Variants in ACVR1C observed in about 807,000 individuals in gnomAD.
ACVR1C encodes activin receptor type-1C.
Under a neutral mutation model 57.9 loss-of-function variants are expected in ACVR1C, and 23 were observed. The ratio of observed to expected loss-of-function variants is 0.40; its 90% confidence interval spans 0.29 to 0.56. The LOEUF (loss-of-function observed/expected upper bound fraction) is 0.56. Among genes scored for constraint, ACVR1C ranks in the 20% least tolerant of loss-of-function variants. ACVR1C has a pLI of 0.50. For synonymous variants in ACVR1C, 214 were observed against 215.3 expected (o/e 0.99, Z 0.05); for missense variants, 480 against 607.9 (o/e 0.79, Z 2.21).
intron 3 of ACVR1C, among the ~76,000 whole-genome samples, chr2:157,552,036 G>T (rs1687936306): frequency 6.6e-6 from 1 of 152,228 alleles, no homozygotes; most frequent in Admixed American, 6.5e-5. Context: ...TGCTGCTAGT[G>T]AGAGGCAGAC....
chr2:157,587,530 T>C (rs1688955711), intron 1 of ACVR1C, 113 bp from the exon 2 acceptor site: 1 of 769,896 alleles, frequency 1.3e-6, no homozygotes, highest in Non-Finnish European at 2.1e-6. Flanking sequence ...AGGGTTTAAA[T>C]AAAAACACTT....
At chr2:157,540,349 C>G (rs1021166644) in intron 7 of ACVR1C, among the ~76,000 whole-genome samples, 6 of 152,168 alleles carry the variant, frequency 3.9e-5, no homozygotes, top group African/African-American at 1.4e-4. Context: ...AATTCTTCCT[C>G]TCATTATTAA....
rs137915092 is a variant in ACVR1C at position 157,563,005 on chromosome 2, C to G, written c.305-6673G>C. On this transcript the variant is annotated intron_variant, in intron 2 of 8. Coordinates refer to ENST00000243349, the MANE Select transcript of ACVR1C (RefSeq NM_145259.3). Reference sequence around the variant, plus strand: ...ATAGCTATTTATGACAACCCCACAGCCAATATCATACTGAATGGGCAAAAG... The same window carrying G: ...ATAGCTATTTATGACAACCCCACAGGCAATATCATACTGAATGGGCAAAAG... 2.4e-3 allele frequency among the ~76,000 whole-genome samples: 362 copies of G among 152,232 alleles called. 3 individuals carry two copies. The highest frequency in any genetic ancestry group is 3.2e-3 in the Non-Finnish European group (220 of 68,018).
chr2:157,533,608 C>G lies in ACVR1C; in HGVS notation c.*310G>C, dbSNP rs1288925180. 1.2e-5 allele frequency: 2 copies of G among 165,094 alleles called. No individual in the cohort carries two copies. The highest frequency in any genetic ancestry group is 4.8e-5 in the African/African-American group (2 of 41,862). The allele number at this position is 165,094 out of a possible 1,614,324, so 10.2% of individuals were successfully genotyped here. A position where few individuals can be genotyped will look rare whatever the true frequency, so the allele number is the denominator to read the frequency against. ...GCTCTTGGTTCAAGTAAAATAAAAA[C>G]TTAATGACTATAACATTTTTATAGA... On this transcript the variant is annotated 3_prime_UTR_variant, in exon 9 of 9. Transcript: ENST00000243349.
chr2:157,542,034 C>G (rs1211321293), intron 6 of ACVR1C, among the ~76,000 whole-genome samples: 1 of 152,198 alleles, frequency 6.6e-6, no homozygotes, highest in Non-Finnish European at 1.5e-5. Context: ...CCTAATGGGC[C>G]TGACCTGACA....
At chr2:157,590,887 T>G (rs1038032681) in intron 1 of ACVR1C, among the ~76,000 whole-genome samples, 4 of 151,968 alleles carry the variant, frequency 2.6e-5, no homozygotes, top group Non-Finnish European at 4.4e-5. Context: ...AGGCATTACT[T>G]TGTCTCCTGT....
rs985884073 is a variant in ACVR1C, at chr2:157,528,022, T to C, written c.*5896A>G. ...CCAGGATGAAAAGATAAAGTATTATTTCTTCTAAGTTCTTTGTTCAATCTG... is the reference window on the plus strand; with the variant it reads ...CCAGGATGAAAAGATAAAGTATTATCTCTTCTAAGTTCTTTGTTCAATCTG... On this transcript the variant is annotated 3_prime_UTR_variant, in exon 9 of 9. Coordinates refer to ENST00000243349, the MANE Select transcript of ACVR1C (RefSeq NM_145259.3). 1 of 152,184 alleles carries C rather than the reference T, an allele frequency of 6.6e-6. No homozygotes were observed. 9.4% of individuals were successfully genotyped at this position (152,184 alleles called of 1,614,324 possible). A position where few individuals can be genotyped will look rare whatever the true frequency, so the allele number is the denominator to read the frequency against.
At chr2:157,581,816 C>G (rs979128801) in intron 2 of ACVR1C, among the ~76,000 whole-genome samples, 2 of 152,208 alleles carry the variant, frequency 1.3e-5, no homozygotes, top group African/African-American at 4.8e-5. Context: ...TGCAGACTAT[C>G]AAGTACTGTA....
chr2:157,536,672 AT>A (rs1224655248), intron 8 of ACVR1C, among the ~76,000 whole-genome samples: 1 of 152,188 alleles, frequency 6.6e-6, no homozygotes, highest in African/African-American at 2.4e-5. Flanking sequence ...CTTTTAAAGG[AT>A]TCACATCAGG....
rs899525003 is a variant in ACVR1C, at chr2:157,532,453, C to G, written c.*1465G>C. On this transcript the variant is annotated 3_prime_UTR_variant, in exon 9 of 9. Transcript: ENST00000243349. ...CATTATATGCTAACATGTACTATCA[C>G]TTTATAAGCAAGTACCAAAGAACAC... 1 of 150,362 alleles carries G rather than the reference C, an allele frequency of 6.7e-6. No homozygotes were observed. Among genetic ancestry groups the G allele is most frequent in the Non-Finnish European group, 1.5e-5 (1 of 67,700 alleles). 9.3% of individuals were successfully genotyped at this position (150,362 alleles called of 1,614,324 possible).
intron 5 of ACVR1C, among the ~76,000 whole-genome samples, chr2:157,543,607 T>C (rs1318776219): frequency 1.3e-5 from 2 of 152,234 alleles, no homozygotes; most frequent in Non-Finnish European, 2.9e-5. Flanking sequence ...CAAAAACCTT[T>C]GTAGTCCTCA....
At position 157,627,092 on chromosome 2, in the gene ACVR1C, A is replaced by T. The variant is rs548732203; in HGVS notation, c.73+1480T>A. Among the ~76,000 whole-genome samples, 4 of 152,198 alleles carry T rather than the reference A, an allele frequency of 2.6e-5. No homozygotes were observed. In the South Asian group the frequency reaches 8.3e-4, roughly 31 times the overall value. ...TTGAAGCTACATTTTAAAAAAATTGAATCTGTTTTGTAGAAATGTGTGCAG... is the reference window on the plus strand; with the variant it reads ...TTGAAGCTACATTTTAAAAAAATTGTATCTGTTTTGTAGAAATGTGTGCAG... On this transcript the variant is annotated intron_variant, in intron 1 of 8. Coordinates refer to ENST00000243349, the MANE Select transcript of ACVR1C (RefSeq NM_145259.3).
At chr2:157,565,804 T>C (rs1688355571) in intron 2 of ACVR1C, among the ~76,000 whole-genome samples, 1 of 152,186 alleles carries the variant, frequency 6.6e-6, no homozygotes, top group South Asian at 2.1e-4. Flanking sequence ...GGACATGTTC[T>C]CCTTGTGTTG....
Position 157,554,343 on chromosome 2 carries a change from A to G in ACVR1C, c.544+1750T>C, listed in dbSNP as rs867817319. Among the ~76,000 whole-genome samples the G allele has an allele frequency of 2.9e-5, 4 of 138,258 alleles. No individual in the cohort carries two copies. The East Asian group carries it at 6.1e-4, about 21-fold the overall frequency. 90.7% of individuals were successfully genotyped at this position (138,258 alleles called of 152,430 possible). On this transcript the variant is annotated intron_variant, in intron 3 of 8. Coordinates refer to ENST00000243349, the MANE Select transcript of ACVR1C (RefSeq NM_145259.3). ...AAAGAAAAAGAAAGAGAAAGAGAGA[A>G]AGAAAGAAAGAGAAAGAAAGAAAGA...
At chr2:157,589,332 T>C (rs186135466) in intron 1 of ACVR1C, among the ~76,000 whole-genome samples, 2 of 152,180 alleles carry the variant, frequency 1.3e-5, no homozygotes, top group African/African-American at 4.8e-5. Context: ...TTGTATGTCT[T>C]CTTTTGAGAA....
chr2:157,568,363 ATTAACT>A (rs1206517670), intron 2 of ACVR1C, among the ~76,000 whole-genome samples: 1 of 81,206 alleles, frequency 1.2e-5, no homozygotes, highest in Non-Finnish European at 2.6e-5. Context: ...ACATAACAAT[ATTAACT>A]TTAAATATAA....
At chr2:157,586,706 A>G (rs1446117891) in intron 2 of ACVR1C, among the ~76,000 whole-genome samples, 4 of 152,126 alleles carry the variant, frequency 2.6e-5, no homozygotes, top group African/African-American at 9.7e-5. Flanking sequence ...GTGTGCTCTC[A>G]CTTGAATGTG....
In ACVR1C at chr2:157,554,196, G is replaced by GAAGAGAGAAAGAAAGAAAGA. The variant is rs1687996005; in HGVS notation, c.544+1877_544+1896dup. ...AGAATCTGGAAAAAAAAAAAATAAAGAAGAGAGAAAGAAAGAAAGAAAGAA... is the reference window on the plus strand; with the variant it reads ...AGAATCTGGAAAAAAAAAAAATAAAGAAGAGAGAAAGAAAGAAAGAAAGAGAGAAAGAAAGAAAGAAAGAA... On this transcript the variant is annotated intron_variant, in intron 3 of 8. Coordinates refer to ENST00000243349, the MANE Select transcript of ACVR1C (RefSeq NM_145259.3). Among the ~76,000 whole-genome samples, 12 of 19,632 alleles carry GAAGAGAGAAAGAAAGAAAGA rather than the reference G, an allele frequency of 6.1e-4. 2 individuals carry two copies. The South Asian group carries it at 0.022, about 37-fold the overall frequency. The allele number at this position is 19,632 out of a possible 152,430, so 12.9% of individuals were successfully genotyped here.
At chr2:157,586,141 A>G (rs945152067) in intron 2 of ACVR1C, among the ~76,000 whole-genome samples, 1 of 152,100 alleles carries the variant, frequency 6.6e-6, no homozygotes, top group Non-Finnish European at 1.5e-5. Flanking sequence ...AAAAAGAGAA[A>G]ATGCAAAATA....
Sources: gnomAD v4.1 joint callset for allele counts (sites outside exome capture counted in the v4.1 genomes callset) on GRCh38, gnomAD v4.1.1 for gene constraint, MANE v1.5 for transcripts, NCBI Gene and HGNC (gene_info 2026-07-23, HGNC 2026-07-21) for gene names.